SV2B: variants seen among roughly 807,000 people sequenced by gnomAD.
The protein encoded by SV2B is synaptic vesicle glycoprotein 2B.
A neutral mutation model predicts 73.9 loss-of-function variants in SV2B; 41 were observed. The ratio of observed to expected loss-of-function variants is 0.56; its 90% CI spans 0.43 to 0.72. SV2B has a LOEUF of 0.72. Among genes scored for constraint, SV2B ranks in the 30% least tolerant of loss-of-function variants. The pLI is 0.00. For missense variants in SV2B, 764 were observed against 857.8 expected, an observed-to-expected ratio of 0.89 and a Z score of 1.37; for synonymous variants, 314 against 314.2, an observed-to-expected ratio of 1.00 and a Z score of 0.01.
Position 91,123,076 on chromosome 15 carries a change from G to T in SV2B, c.-392+22713G>T, listed in dbSNP as rs930750077. 6.6e-6 allele frequency among the ~76,000 whole-genome samples: 1 copy of T among 151,968 alleles called. No individual in the cohort carries two copies. The highest frequency in any genetic ancestry group is 1.5e-5 in the Non-Finnish European group (1 of 67,994). On this transcript the variant is annotated intron_variant, in intron 1 of 12. Coordinates refer to ENST00000394232, the MANE Select transcript of SV2B (RefSeq NM_001323032.3). This position sits in a 1 kb window ranked among gnomAD's most constrained non-coding sequence, Gnocchi z 4.7. ...ACTTGAGCTCAGGAGTTTGAGACCA[G>T]CCTGGCCAACATGGCAAAACCCTGT...
At chr15:91,180,955 G>C (rs2044530056) in intron 1 of SV2B, among the ~76,000 whole-genome samples, 1 of 152,240 alleles carries the variant, frequency 6.6e-6, no homozygotes, top group Admixed American at 6.5e-5. Context: ...TTCCTTTGGA[G>C]GAGGAGAGGC....
rs921097826 is a variant in SV2B at position 91,240,551 on chromosome 15, A to G, written c.452-11268A>G. Reference sequence around the variant, plus strand: ...GGCTAAAAAACCCCAAAAAACCAAGATGGCTCTCTCTGACCTCCATTTTTC... The same window carrying G: ...GGCTAAAAAACCCCAAAAAACCAAGGTGGCTCTCTCTGACCTCCATTTTTC... On this transcript the variant is annotated intron_variant, in intron 2 of 12. Coordinates refer to ENST00000394232, the MANE Select transcript of SV2B (RefSeq NM_001323032.3). The surrounding 1 kb of genome is among the most constrained non-coding windows in gnomAD (Gnocchi z 4.6). Among the ~76,000 whole-genome samples, 4 of 152,202 alleles carry G rather than the reference A, an allele frequency of 2.6e-5. No homozygotes were observed. Among genetic ancestry groups the G allele is most frequent in the Admixed American group, 2.6e-4 (4 of 15,282 alleles).
At chr15:91,230,263 AAAAG>A (rs2046528209) in intron 2 of SV2B, among the ~76,000 whole-genome samples, 2 of 147,838 alleles carry the variant, frequency 1.4e-5, no homozygotes, top group African/African-American at 5.0e-5. Context: ...AAAAAAAAAG[AAAAG>A]AAAAGAAAAA....
chr15:91,268,334 T>G lies in SV2B; in HGVS notation c.1209-107T>G. 1 of 1,124,820 alleles carries G rather than the reference T, an allele frequency of 8.9e-7. No individual in the cohort carries two copies. Among genetic ancestry groups the G allele is most frequent in the Admixed American group, 2.5e-5 (1 of 39,470 alleles). The allele number at this position is 1,124,820 out of a possible 1,614,324, so 69.7% of individuals were successfully genotyped here. On this transcript the variant is annotated intron_variant, in intron 8 of 12. Transcript: ENST00000394232. The surrounding 1 kb of genome is among the most constrained non-coding windows in gnomAD (Gnocchi z 4.4). ...CAGATTTTCTAATAATGAACCAAATTAATGTATTTTCAATGAGTTTGATCT... is the reference window on the plus strand; with the variant it reads ...CAGATTTTCTAATAATGAACCAAATGAATGTATTTTCAATGAGTTTGATCT...
chr15:91,214,058 A>G lies in SV2B; in HGVS notation c.-391-11815A>G, dbSNP rs1012460070. Among the ~76,000 whole-genome samples, 3 of 152,226 alleles carry G rather than the reference A, an allele frequency of 2.0e-5. No individual in the cohort carries two copies. Among genetic ancestry groups the G allele is most frequent in the Admixed American group, 6.5e-5 (1 of 15,284 alleles). ...GATACCATCAAAGGTAGCATCTTCCACTTTGGGAAACACTTAACTTGGAAA... is the reference window on the plus strand; with the variant it reads ...GATACCATCAAAGGTAGCATCTTCCGCTTTGGGAAACACTTAACTTGGAAA... On this transcript the variant is annotated intron_variant, in intron 1 of 12. Transcript: ENST00000394232. This position sits in a 1 kb window ranked among gnomAD's most constrained non-coding sequence, Gnocchi z 4.7.
At position 91,295,207 on chromosome 15, in the gene SV2B, C is replaced by T. The variant is rs2049178734; in HGVS notation, c.*2655C>T. On this transcript the variant is annotated 3_prime_UTR_variant, in exon 13 of 13. Coordinates refer to ENST00000394232, the MANE Select transcript of SV2B (RefSeq NM_001323032.3). ...TGCCCAGCTTGGAAATAGTTGCTTT[C>T]CATAGTCTCAACTGTATTGTGTCAT... 1 of 152,252 alleles carries T rather than the reference C, an allele frequency of 6.6e-6. No homozygotes were observed. The allele number at this position is 152,252 out of a possible 1,614,324, so 9.4% of individuals were successfully genotyped here. A position where few individuals can be genotyped will look rare whatever the true frequency, so the allele number is the denominator to read the frequency against.
chr15:91,207,625 A>T (rs1271947195), intron 1 of SV2B, among the ~76,000 whole-genome samples: 1 of 152,212 alleles, frequency 6.6e-6, no homozygotes, highest in Non-Finnish European at 1.5e-5. Flanking sequence ...CATGGCTGAC[A>T]CCCCATAACC....
intron 1 of SV2B, among the ~76,000 whole-genome samples, chr15:91,144,907 T>A (rs894512161): frequency 4.6e-5 from 7 of 152,202 alleles, no homozygotes; most frequent in African/African-American, 1.7e-4. Context: ...TTTTTTTTTT[T>A]TTTTATGGAA....
chr15:91,198,990 A>T (rs1014178991), intron 1 of SV2B, among the ~76,000 whole-genome samples: 1 of 152,234 alleles, frequency 6.6e-6, no homozygotes, highest in African/African-American at 2.4e-5. Context: ...ATTTATTTTG[A>T]ATATAAATAC....
rs1010331982 is a variant in SV2B at position 91,137,741 on chromosome 15, G to A, written c.-392+37378G>A. ...TTGTAGCCAACAGCATTAATTCATC[G>A]GAACACATCAAATATGTTTAACCTG... On this transcript the variant is annotated intron_variant, in intron 1 of 12. Transcript: ENST00000394232. The surrounding 1 kb of genome is among the most constrained non-coding windows in gnomAD (Gnocchi z 4.9). Among the ~76,000 whole-genome samples the A allele has an allele frequency of 1.7e-4, 26 of 150,834 alleles. No homozygotes were observed. Among genetic ancestry groups the A allele is most frequent in the East Asian group, 5.8e-4 (3 of 5,164 alleles).
At chr15:91,138,960 C>T (rs551190670) in intron 1 of SV2B, among the ~76,000 whole-genome samples, 9 of 152,238 alleles carry the variant, frequency 5.9e-5, no homozygotes, top group Non-Finnish European at 1.0e-4. Context: ...AGGTATAGAA[C>T]GTCTATGGAT....
At chr15:91,146,590 T>C (rs1339608032) in intron 1 of SV2B, among the ~76,000 whole-genome samples, 4 of 152,252 alleles carry the variant, frequency 2.6e-5, no homozygotes, top group African/African-American at 9.6e-5. Flanking sequence ...AAAATGTTTT[T>C]TCATTTAGGT....
At chr15:91,120,390 C>T (rs971192890) in intron 1 of SV2B, among the ~76,000 whole-genome samples, 9 of 152,166 alleles carry the variant, frequency 5.9e-5, no homozygotes, top group African/African-American at 1.2e-4. Context: ...AATCTGCCTC[C>T]GTAATCTCAT....
chr15:91,191,070 T>TTTTTTTTTTTTTTTA (rs1358888300), intron 1 of SV2B, among the ~76,000 whole-genome samples: 1 of 125,644 alleles, frequency 8.0e-6, no homozygotes, highest in African/African-American at 3.1e-5. Flanking sequence ...TTTCTTTTTT[T>TTTTTTTTTTTTTTTA]TTTTTTTTTT....
chr15:91,207,779 G>A (rs1177637826), intron 1 of SV2B, among the ~76,000 whole-genome samples: 1 of 152,140 alleles, frequency 6.6e-6, no homozygotes, highest in Non-Finnish European at 1.5e-5. Flanking sequence ...TGATTGGAGG[G>A]CAAAAGAGCA....
In SV2B at chr15:91,130,139, G is replaced by C. The variant is rs2042598002; in HGVS notation, c.-392+29776G>C. On this transcript the variant is annotated intron_variant, in intron 1 of 12. Transcript: ENST00000394232. This position sits in a 1 kb window ranked among gnomAD's most constrained non-coding sequence, Gnocchi z 5.6. ...GAGAAAGGAAAGGAGAGATGGATGA[G>C]ATGATTCTTAATGCTGAGATGAAAC... 6.6e-6 allele frequency among the ~76,000 whole-genome samples: 1 copy of C among 152,198 alleles called. No homozygotes were observed. The highest frequency in any genetic ancestry group is 1.5e-5 in the Non-Finnish European group (1 of 68,034).
At chr15:91,275,585 G>A (rs2048458617) in intron 9 of SV2B, among the ~76,000 whole-genome samples, 1 of 152,214 alleles carries the variant, frequency 6.6e-6, no homozygotes, top group Non-Finnish European at 1.5e-5. Context: ...AGCACTTTGG[G>A]AGGCCAAGGT....
Position 91,288,303 on chromosome 15 carries a change from A to G in SV2B, c.1709-1218A>G, listed in dbSNP as rs2048929354. Among the ~76,000 whole-genome samples the G allele has an allele frequency of 6.6e-6, 1 of 152,110 alleles. No individual in the cohort carries two copies. The highest frequency in any genetic ancestry group is 2.4e-5 in the African/African-American group (1 of 41,386). On this transcript the variant is annotated intron_variant, in intron 11 of 12. Transcript: ENST00000394232. The surrounding 1 kb of genome is among the most constrained non-coding windows in gnomAD (Gnocchi z 5.8). ...GGATAAATTATAATTGTATATTTTGATGGGGTACAATGTGATATTTTCATG... is the reference window on the plus strand; with the variant it reads ...GGATAAATTATAATTGTATATTTTGGTGGGGTACAATGTGATATTTTCATG...
rs1434735287 is a variant in SV2B at position 91,289,317 on chromosome 15, G to T, written c.1709-204G>T. 6.6e-6 allele frequency among the ~76,000 whole-genome samples: 1 copy of T among 152,176 alleles called. No individual in the cohort carries two copies. The highest frequency in any genetic ancestry group is 1.5e-5 in the Non-Finnish European group (1 of 68,040). On this transcript the variant is annotated intron_variant, in intron 11 of 12. Transcript: ENST00000394232. This position sits in a 1 kb window ranked among gnomAD's most constrained non-coding sequence, Gnocchi z 4.9. Reference sequence around the variant, plus strand: ...TCCTAAGTCTGGTGATCTGACCCACGCAGAGGGCTCTAATGCCATGTCTGG... The same window carrying T: ...TCCTAAGTCTGGTGATCTGACCCACTCAGAGGGCTCTAATGCCATGTCTGG...
Sources: gnomAD v4.1 joint callset for allele counts (sites outside exome capture counted in the v4.1 genomes callset) on GRCh38, gnomAD v4.1.1 for gene constraint, Gnocchi (gnomAD v3.1) non-coding constraint, MANE v1.5 for transcripts, NCBI Gene and HGNC (gene_info 2026-07-23, HGNC 2026-07-21) for gene names.